The following NPHS2 variants were observed in gnomAD, a reference collection of about 807,000 sequenced individuals.
NPHS2 encodes NPHS2 stomatin family member, podocin.
NPHS2 carries 36 observed loss-of-function variants against 37.1 expected under a neutral mutation model. The ratio of observed to expected loss-of-function variants is 0.97; its 90% CI spans 0.74 to 1.28. NPHS2 has a LOEUF of 1.28. NPHS2 is among the 50% of genes most tolerant of loss of function. NPHS2 has a pLI of 0.00. For synonymous variants in NPHS2, 196 were observed against 189.3 expected, an observed-to-expected ratio of 1.04 and a Z score of -0.29; for missense variants, 447 against 488.1, an observed-to-expected ratio of 0.92 and a Z score of 0.79.
intron 1 of NPHS2, among the ~76,000 whole-genome samples, chr1:179,569,382 T>G (rs947775219): frequency 2.0e-4 from 30 of 152,298 alleles, no homozygotes; most frequent in African/African-American, 6.7e-4. Context: ...TTTTTTCGCT[T>G]TCCATTTCCT....
rs1417783121 is a variant in NPHS2 at position 179,575,696 on chromosome 1, G to T, written c.169C>A (p.Pro57Thr). The change falls in exon 1 of 8, where the codon CCC becomes ACC. Residue 57 changes from proline (P) to threonine (T), a missense_variant. Transcript: ENST00000367615. ...ACCACCGTGGCGGCGGGCGCTCGGG[G>T]CTCCCCCGGGGTCCCCGCCCGTCCG... The part of the protein sequence containing the change: ...GSGRAGTPGE[P>T]RAPAATVVDV... 14 of 1,582,536 alleles carry T rather than the reference G, an allele frequency of 8.8e-6. No individual in the cohort carries two copies. The highest frequency in any genetic ancestry group is 1.1e-5 in the Non-Finnish European group (13 of 1,170,198).
chr1:179,568,060 G>A (rs1223881569), intron 1 of NPHS2, among the ~76,000 whole-genome samples: 1 of 152,144 alleles, frequency 6.6e-6, no homozygotes, highest in Non-Finnish European at 1.5e-5. Flanking sequence ...GGATTATGTT[G>A]TCCTCATAAA....
In NPHS2 at chr1:179,561,328, G is replaced by A. The variant is rs74315343; in HGVS notation, c.412C>T (p.Arg138Ter). Reference sequence around the variant, plus strand: ...CTTCCAGGAAGCAGATGTCCCAGTCGGAATATAATTACTCTTTCATACTCT... The same window carrying A: ...CTTCCAGGAAGCAGATGTCCCAGTCAGAATATAATTACTCTTTCATACTCT... ...VQEYERVIIF[R>*]LGHLLPGRAK... The change falls in exon 3 of 8, where the codon CGA (arginine) becomes TGA (stop). Residue 138 changes from arginine to a stop codon, truncating the protein, a stop_gained. Transcript: ENST00000367615. LOFTEE classifies it high-confidence loss of function. 15 of 1,612,836 alleles carry A rather than the reference G, an allele frequency of 9.3e-6. No homozygotes were observed. The highest frequency in any genetic ancestry group is 3.3e-5 in the Admixed American group (2 of 59,958).
chr1:179,566,295 G>A (rs1674332777), intron 1 of NPHS2, among the ~76,000 whole-genome samples: 1 of 152,212 alleles, frequency 6.6e-6, no homozygotes, highest in Non-Finnish European at 1.5e-5. Context: ...TTGTGGTTTT[G>A]ATTTGCATTT....
At chr1:179,567,065 A>G (rs1009438481) in intron 1 of NPHS2, among the ~76,000 whole-genome samples, 4 of 152,156 alleles carry the variant, frequency 2.6e-5, no homozygotes, top group East Asian at 3.8e-4. Flanking sequence ...TTTTGGTTCC[A>G]TATGAACTTT....
intron 2 of NPHS2, among the ~76,000 whole-genome samples, chr1:179,562,658 G>A (rs1228728246): frequency 6.6e-6 from 1 of 152,158 alleles, no homozygotes; most frequent in Non-Finnish European, 1.5e-5. Context: ...TTGAGGCTGG[G>A]AACCATGTTT....
chr1:179,568,880 C>G, intron 1 of NPHS2, among the ~76,000 whole-genome samples: 1 of 152,164 alleles, frequency 6.6e-6, no homozygotes, highest in Non-Finnish European at 1.5e-5. Flanking sequence ...TTTCTTAATC[C>G]TGAGTTCTAA....
At chr1:179,561,101 A>G (rs1674119283) in intron 3 of NPHS2, among the ~76,000 whole-genome samples, 188 bp downstream of exon 3, 1 of 152,214 alleles carries the variant, frequency 6.6e-6, no homozygotes, top group Non-Finnish European at 1.5e-5. Flanking sequence ...TCTCTTGGCT[A>G]CCTATGACCT....
At chr1:179,564,608 A>T in intron 2 of NPHS2, 82 bp downstream of exon 2, 1 of 1,173,776 alleles carries the variant, frequency 8.5e-7, no homozygotes, top group Admixed American at 1.7e-5. Context: ...AACATGTACC[A>T]GAAAACAGAA....
chr1:179,552,591 T>C lies in NPHS2; in HGVS notation c.873+12A>G. ...CTAAAGGGCAGTCTGGGTGGGAGGA[T>C]GGAGTGCTCACCCGCACTTTGGCTT... On this transcript the variant is annotated intron_variant, in intron 7 of 7. Transcript: ENST00000367615. 6.2e-7 allele frequency: 1 copy of C among 1,609,584 alleles called. No individual in the cohort carries two copies. The highest frequency in any genetic ancestry group is 1.1e-5 in the South Asian group (1 of 90,722).
intron 6 of NPHS2, among the ~76,000 whole-genome samples, chr1:179,554,117 T>C (rs1281653955): frequency 6.6e-6 from 1 of 152,174 alleles, no homozygotes; most frequent in Non-Finnish European, 1.5e-5. Flanking sequence ...TTACACCATG[T>C]TGGCCAGGCT....
intron 6 of NPHS2, among the ~76,000 whole-genome samples, chr1:179,552,912 C>G (rs12118069): frequency 1.3e-5 from 2 of 152,228 alleles, no homozygotes; most frequent in African/African-American, 4.8e-5. Flanking sequence ...GCTGTAGTTT[C>G]TCATTATCAG....
chr1:179,570,243 C>T (rs1421172423), intron 1 of NPHS2, among the ~76,000 whole-genome samples: 1 of 152,140 alleles, frequency 6.6e-6, no homozygotes, highest in African/African-American at 2.4e-5. Flanking sequence ...AATTTAAAGA[C>T]ACACACACAG....
At chr1:179,558,042 T>G (rs1197560005) in intron 4 of NPHS2, among the ~76,000 whole-genome samples, 2 of 152,136 alleles carry the variant, frequency 1.3e-5, no homozygotes, top group East Asian at 3.8e-4. Context: ...GGGGTGAGTT[T>G]TTTTTCCCCA....
At chr1:179,552,299 A>G in intron 7 of NPHS2, 2 of 446,662 alleles carry the variant, frequency 4.5e-6, no homozygotes, top group Admixed American at 3.5e-5. Context: ...ACCCAGGAAA[A>G]GATGCCAGCA....
At chr1:179,559,465 T>A (rs1466591574) in intron 4 of NPHS2, among the ~76,000 whole-genome samples, 1 of 152,218 alleles carries the variant, frequency 6.6e-6, no homozygotes, top group Non-Finnish European at 1.5e-5. Context: ...ATATTAACCC[T>A]TTATGAGATA....
intron 1 of NPHS2, among the ~76,000 whole-genome samples, chr1:179,567,071 A>G (rs112612668): frequency 0.2 from 30,818 of 152,070 alleles, 3,796 homozygotes; most frequent in Non-Finnish European, 0.27. Context: ...TTCCATATGA[A>G]CTTTAAAGTA....
chr1:179,553,856 C>T (rs550065003), intron 6 of NPHS2, among the ~76,000 whole-genome samples: 15 of 152,178 alleles, frequency 9.9e-5, no homozygotes, highest in Admixed American at 2.6e-4. Flanking sequence ...AGTGATTCTC[C>T]TGCCTCAGCC....
chr1:179,554,365 C>T, intron 6 of NPHS2, 111 bp downstream of exon 6: 1 of 1,234,936 alleles, frequency 8.1e-7, no homozygotes, highest in Non-Finnish European at 1.2e-6. Flanking sequence ...TAAATTTATG[C>T]TGATATGGCT....
Sources: gnomAD v4.1 joint callset for allele counts (sites outside exome capture counted in the v4.1 genomes callset) on GRCh38, gnomAD v4.1.1 for gene constraint, MANE v1.5 for transcripts, NCBI Gene and HGNC (gene_info 2026-07-23, HGNC 2026-07-21) for gene names.